COL26A1: variants seen among roughly 807,000 people sequenced by gnomAD.
COL26A1 encodes the protein collagen type XXVI alpha 1 chain, also known as collagen alpha-1(XXVI) chain.
Under a neutral mutation model 59.3 loss-of-function variants are expected in COL26A1, and 41 were observed. The ratio of observed to expected loss-of-function variants is 0.69; its 90% CI spans 0.54 to 0.90. The LOEUF (loss-of-function observed/expected upper bound fraction) is 0.90, where lower values mean the gene tolerates loss of function less well. Among genes scored for constraint, COL26A1 ranks in the 40% least tolerant of loss-of-function variants. The pLI is 0.00. For synonymous variants in COL26A1, 266 were observed against 256.0 expected (o/e 1.04, Z -0.37); for missense variants, 612 against 602.3 (o/e 1.02, Z -0.17).
intron 1 of COL26A1, among the ~76,000 whole-genome samples, chr7:101,415,529 C>T: frequency 6.6e-6 from 1 of 152,150 alleles, no homozygotes; most frequent in Admixed American, 6.5e-5. Flanking sequence ...CTAAGTCATA[C>T]AGCAGGTTTG....
intron 3 of COL26A1, among the ~76,000 whole-genome samples, chr7:101,528,665 A>G (rs1335934432): frequency 6.6e-6 from 1 of 152,056 alleles, no homozygotes; most frequent in East Asian, 2.0e-4. Context: ...CTCCTGCCTC[A>G]GCCTCCAAAG....
intron 3 of COL26A1, among the ~76,000 whole-genome samples, chr7:101,510,620 A>G (rs1046603124): frequency 1.3e-4 from 20 of 152,120 alleles, no homozygotes; most frequent in African/African-American, 4.8e-4. Flanking sequence ...TGATCCTCCT[A>G]CCTCAGCTTC....
At chr7:101,546,440 A>G (rs953625387) in intron 7 of COL26A1, among the ~76,000 whole-genome samples, 5 of 149,632 alleles carry the variant, frequency 3.3e-5, no homozygotes, top group African/African-American at 9.9e-5. Flanking sequence ...GGGTCTCACA[A>G]TGTTGCCCAG....
Position 101,400,607 on chromosome 7 carries a change from G to A in COL26A1, c.159-19370G>A, listed in dbSNP as rs574833833. ...GAGTTTCGCTCTTGTTGCCCAGGCT[G>A]GAGCGCAATGGTGCGGTCTCAGCTC... On this transcript the variant is annotated intron_variant, in intron 1 of 12. Coordinates refer to ENST00000313669, the MANE Select transcript of COL26A1 (RefSeq NM_001278563.3). 2.0e-5 allele frequency among the ~76,000 whole-genome samples: 3 copies of A among 152,102 alleles called. No individual in the cohort carries two copies. In the East Asian group the frequency reaches 5.8e-4, roughly 29 times the overall value.
chr7:101,546,370 G>A (rs956366521), intron 7 of COL26A1, among the ~76,000 whole-genome samples: 1 of 151,982 alleles, frequency 6.6e-6, no homozygotes, highest in East Asian at 1.9e-4. Context: ...GAGTAGCTAG[G>A]ACCCTAGGCA....
chr7:101,536,468 G>A (rs889950910), intron 4 of COL26A1, among the ~76,000 whole-genome samples: 2 of 152,248 alleles, frequency 1.3e-5, no homozygotes, highest in African/African-American at 4.8e-5. Context: ...AGGACACGGA[G>A]CTGGGTTTTC....
In COL26A1 at chr7:101,466,837, T is replaced by TGTGTGTGTGTGTGA. The variant is rs764059657; in HGVS notation, c.385+19051_385+19052insTGTGTGTGTGTGAG. Among the ~76,000 whole-genome samples the TGTGTGTGTGTGTGA allele has an allele frequency of 7.8e-3, 959 of 122,624 alleles. 4 individuals are homozygous for TGTGTGTGTGTGTGA. The highest frequency in any genetic ancestry group is 0.014 in the African/African-American group (439 of 31,464). 80.4% of individuals were successfully genotyped at this position (122,624 alleles called of 152,430 possible). On this transcript the variant is annotated intron_variant, in intron 3 of 12. Transcript: ENST00000313669. Reference sequence around the variant, plus strand: ...GTGTGTGTGTGTGTGTGTGTGTGTGTGAGAGAGAGAGATTCAGTCTCTGCC... The same window carrying TGTGTGTGTGTGTGA: ...GTGTGTGTGTGTGTGTGTGTGTGTGTGTGTGTGTGTGTGAGAGAGAGAGAGATTCAGTCTCTGCC...
At chr7:101,501,563 C>CT (rs1794707254) in intron 3 of COL26A1, among the ~76,000 whole-genome samples, 1 of 152,020 alleles carries the variant, frequency 6.6e-6, no homozygotes, top group African/African-American at 2.4e-5. Context: ...AGCCAGGTTC[C>CT]TCCAGGAGCT....
intron 1 of COL26A1, among the ~76,000 whole-genome samples, chr7:101,392,726 C>A (rs1791762636): frequency 6.6e-6 from 1 of 152,014 alleles, no homozygotes; most frequent in Non-Finnish European, 1.5e-5. Flanking sequence ...TTGGTGATGG[C>A]TGGGAACCCA....
chr7:101,456,089 A>G (rs1793464195), intron 3 of COL26A1, among the ~76,000 whole-genome samples: 1 of 151,860 alleles, frequency 6.6e-6, no homozygotes, highest in Non-Finnish European at 1.5e-5. Flanking sequence ...GAGTATACAC[A>G]CACTTTATTA....
intron 1 of COL26A1, among the ~76,000 whole-genome samples, chr7:101,416,985 A>AC (rs1483631198): frequency 9.6e-6 from 1 of 104,444 alleles, no homozygotes; most frequent in African/African-American, 2.8e-5. Flanking sequence ...CAAGCTATCC[A>AC]CCCGCCTCAG....
chr7:101,391,888 C>CTTTTCTTTTCT (rs1012331562), intron 1 of COL26A1, among the ~76,000 whole-genome samples: 3 of 135,152 alleles, frequency 2.2e-5, no homozygotes, highest in Non-Finnish European at 3.2e-5. Context: ...CTTTTCTTTT[C>CTTTTCTTTTCT]TTTTTTTTCT....
At chr7:101,525,030 A>G (rs891475245) in intron 3 of COL26A1, among the ~76,000 whole-genome samples, 1 of 152,150 alleles carries the variant, frequency 6.6e-6, no homozygotes, top group African/African-American at 2.4e-5. Flanking sequence ...TATCATTGAG[A>G]ATGGGTGCCC....
intron 1 of COL26A1, among the ~76,000 whole-genome samples, chr7:101,401,753 GGAAGAGGAGGAGGGAGAA>G (rs1792011583): frequency 7.3e-6 from 1 of 137,252 alleles, no homozygotes; most frequent in South Asian, 2.3e-4. Flanking sequence ...AGGAAGAGGA[GGAAGAGGAGGAGGGAGAA>G]GAGGAGGAGG....
intron 3 of COL26A1, among the ~76,000 whole-genome samples, chr7:101,487,921 A>G (rs1338997455): frequency 6.6e-6 from 1 of 152,266 alleles, no homozygotes; most frequent in Non-Finnish European, 1.5e-5. Context: ...GGGTCTCACT[A>G]TATTGCCCAG....
intron 1 of COL26A1, among the ~76,000 whole-genome samples, chr7:101,383,245 C>T (rs969148108): frequency 6.6e-6 from 1 of 151,590 alleles, no homozygotes; most frequent in African/African-American, 2.4e-5. Flanking sequence ...TGAGGCATGT[C>T]GATTTTGTAT....
intron 3 of COL26A1, among the ~76,000 whole-genome samples, chr7:101,504,360 C>T (rs1470680866): frequency 6.6e-6 from 1 of 152,168 alleles, no homozygotes; most frequent in African/African-American, 2.4e-5. Context: ...CTCGGCCTCC[C>T]AAACTGCTGG....
At chr7:101,415,686 A>C (rs1792355862) in intron 1 of COL26A1, among the ~76,000 whole-genome samples, 1 of 151,960 alleles carries the variant, frequency 6.6e-6, no homozygotes, top group Non-Finnish European at 1.5e-5. Context: ...ACTGGAGTGC[A>C]GTGGTGCGAT....
chr7:101,529,305 C>T (rs1475508982), intron 3 of COL26A1, among the ~76,000 whole-genome samples: 1 of 152,114 alleles, frequency 6.6e-6, no homozygotes, highest in East Asian at 1.9e-4. Context: ...GTTTTGCTCT[C>T]TTGGCCAGGC....
Sources: gnomAD v4.1 joint callset for allele counts (sites outside exome capture counted in the v4.1 genomes callset) on GRCh38, gnomAD v4.1.1 for gene constraint, MANE v1.5 for transcripts, NCBI Gene and HGNC (gene_info 2026-07-23, HGNC 2026-07-21) for gene names.